LTBP1: variants seen among roughly 807,000 people sequenced by gnomAD.
The protein encoded by LTBP1 is latent-transforming growth factor beta-binding protein 1.
LTBP1 carries 129 observed loss-of-function variants against 207.6 expected under a neutral mutation model. The observed-to-expected ratio is 0.62, with a 90% CI of 0.54 to 0.72. LTBP1 has a LOEUF of 0.72. Among genes scored for constraint, LTBP1 ranks in the 30% least tolerant of loss-of-function variants. The probability of loss-of-function intolerance (pLI) is 0.00; values close to 1 mark genes in which losing one functional copy is unlikely to be tolerated. For synonymous variants in LTBP1, 963 were observed against 833.7 expected (o/e 1.16, Z -2.67); for missense variants, 2,281 against 2,217.2 (o/e 1.03, Z -0.58).
At chr2:33,042,821 A>AT (rs1553380511) in intron 3 of LTBP1, among the ~76,000 whole-genome samples, 1 of 152,146 alleles carries the variant, frequency 6.6e-6, no homozygotes, top group Non-Finnish European at 1.5e-5. Flanking sequence ...ATAAATTGGT[A>AT]TTTTTTAAAA....
At position 32,958,870 on chromosome 2, in the gene LTBP1, G is replaced by A. The variant is rs532932590; in HGVS notation, c.565+9925G>A. Among the ~76,000 whole-genome samples the A allele has an allele frequency of 7.2e-5, 11 of 152,222 alleles. No homozygotes were observed. The South Asian group carries it at 2.1e-3, about 29-fold the overall frequency. On this transcript the variant is annotated intron_variant, in intron 2 of 33. Transcript: ENST00000404816. ...GCCTTTGCTCTGTAAGGCTGCTCTGGCATGGCCCAAACTTTGAGATGACTT... is the reference window on the plus strand; with the variant it reads ...GCCTTTGCTCTGTAAGGCTGCTCTGACATGGCCCAAACTTTGAGATGACTT...
At chr2:33,277,074 G>T (rs958994161) in intron 18 of LTBP1, among the ~76,000 whole-genome samples, 1 of 152,146 alleles carries the variant, frequency 6.6e-6, no homozygotes, top group African/African-American at 2.4e-5. Flanking sequence ...GGGGCAGGAT[G>T]GACTAGGTTG....
intron 33 of LTBP1, 31 bp downstream of exon 33, chr2:33,397,313 A>G: frequency 1.2e-6 from 2 of 1,611,588 alleles, no homozygotes; most frequent in Non-Finnish European, 1.7e-6. Context: ...ATGGGACATT[A>G]ATTTTTTCCT....
At chr2:33,093,680 G>A (rs2079229951) in intron 3 of LTBP1, among the ~76,000 whole-genome samples, 1 of 151,958 alleles carries the variant, frequency 6.6e-6, no homozygotes, top group Non-Finnish European at 1.5e-5. Context: ...AATTACTCTT[G>A]TTCTTTGGTT....
chr2:33,390,019 G>C (rs534939110), intron 32 of LTBP1, among the ~76,000 whole-genome samples: 3 of 152,194 alleles, frequency 2.0e-5, no homozygotes, highest in Non-Finnish European at 4.4e-5. Context: ...TTCCATGAGA[G>C]CCCAGTTGTA....
intron 3 of LTBP1, among the ~76,000 whole-genome samples, chr2:33,042,741 A>G (rs2076250679): frequency 6.6e-6 from 1 of 152,242 alleles, no homozygotes; most frequent in Non-Finnish European, 1.5e-5. Flanking sequence ...TAGGAAAGGT[A>G]AGAATGCCTT....
intron 10 of LTBP1, among the ~76,000 whole-genome samples, chr2:33,246,674 C>T (rs2092524846): frequency 6.6e-6 from 1 of 152,186 alleles, no homozygotes; most frequent in South Asian, 2.1e-4. Context: ...TGAACTCCTG[C>T]ACATGGTTAT....
chr2:33,392,023 T>C (rs2095318762), intron 32 of LTBP1, among the ~76,000 whole-genome samples: 1 of 152,118 alleles, frequency 6.6e-6, no homozygotes, highest in African/African-American at 2.4e-5. Context: ...AAAATGATTG[T>C]GTTGGGTAGA....
intron 5 of LTBP1, among the ~76,000 whole-genome samples, chr2:33,142,364 T>TCA (rs1286711098): frequency 2.6e-5 from 4 of 152,180 alleles, no homozygotes; most frequent in Admixed American, 6.5e-5. Flanking sequence ...GGCCCTTTCT[T>TCA]CAGCATTCTT....
At chr2:33,201,208 C>T (rs964926279) in intron 7 of LTBP1, among the ~76,000 whole-genome samples, 12 of 152,154 alleles carry the variant, frequency 7.9e-5, no homozygotes, top group South Asian at 2.1e-4. Flanking sequence ...TTCACAATAG[C>T]AAAGACTTGG....
In LTBP1 at chr2:33,354,781, G is replaced by A. The variant is rs143247188; in HGVS notation, c.4001-5816G>A. On this transcript the variant is annotated intron_variant, in intron 26 of 33. Transcript: ENST00000404816. Reference sequence around the variant, plus strand: ...TTTTGAGACAGGATCTCGCTCTGTTGCCCAGGCTGGAGTGTAGTGTACGAT... The same window carrying A: ...TTTTGAGACAGGATCTCGCTCTGTTACCCAGGCTGGAGTGTAGTGTACGAT... Among the ~76,000 whole-genome samples the A allele has an allele frequency of 4.0e-3, 595 of 150,438 alleles. 4 individuals are homozygous for A. The highest frequency in any genetic ancestry group is 7.0e-3 in the Non-Finnish European group (478 of 67,820).
intron 5 of LTBP1, among the ~76,000 whole-genome samples, chr2:33,174,668 T>C (rs1209300727): frequency 6.6e-6 from 1 of 152,108 alleles, no homozygotes; most frequent in Non-Finnish European, 1.5e-5. Flanking sequence ...TTAAAGTTCA[T>C]ATGGAACCAA....
At chr2:33,065,175 G>A (rs751718409) in intron 3 of LTBP1, among the ~76,000 whole-genome samples, 4 of 152,056 alleles carry the variant, frequency 2.6e-5, no homozygotes, top group Non-Finnish European at 5.9e-5. Context: ...ATAAAAATAC[G>A]ATTATTTTTT....
At chr2:33,258,300 C>G (rs923401201) in intron 12 of LTBP1, among the ~76,000 whole-genome samples, 1 of 152,174 alleles carries the variant, frequency 6.6e-6, no homozygotes, top group Admixed American at 6.5e-5. Flanking sequence ...ATGGAATAGA[C>G]GTATTTTCTC....
intron 2 of LTBP1, among the ~76,000 whole-genome samples, chr2:33,015,083 A>T (rs1688189167): frequency 6.6e-6 from 1 of 151,440 alleles, no homozygotes; most frequent in Non-Finnish European, 1.5e-5. Flanking sequence ...CCTAAATGTT[A>T]TGCCCCTTGT....
rs1332339163 is a variant in LTBP1, at chr2:33,295,882, G to C, written c.3235+2600G>C. 2.4e-4 allele frequency among the ~76,000 whole-genome samples: 37 copies of C among 152,150 alleles called. 1 individual carries two copies. Among genetic ancestry groups the C allele is most frequent in the Admixed American group, 2.2e-3 (33 of 15,286 alleles). The stretch of plus-strand genomic sequence containing the variant: ...ATCGAGGCCTCTTCCACTGGCAGTA[G>C]GGAACATGCAGGCATCTGGATTTGA... On this transcript the variant is annotated intron_variant, in intron 20 of 33. Transcript: ENST00000404816.
chr2:33,102,222 C>T (rs531451745), intron 3 of LTBP1, among the ~76,000 whole-genome samples: 18 of 152,134 alleles, frequency 1.2e-4, no homozygotes, highest in African/African-American at 3.4e-4. Context: ...ACGTTTAGAG[C>T]GCTAGTTTTC....
intron 19 of LTBP1, among the ~76,000 whole-genome samples, chr2:33,291,288 G>C (rs1169464406): frequency 6.6e-6 from 1 of 152,174 alleles, no homozygotes; most frequent in Non-Finnish European, 1.5e-5. Context: ...CCTAGAGAAA[G>C]TATGGTCTTA....
At chr2:33,341,705 C>T (rs538446173) in intron 24 of LTBP1, among the ~76,000 whole-genome samples, 229 of 98,500 alleles carry the variant, frequency 2.3e-3, no homozygotes, top group Non-Finnish European at 3.4e-3. Context: ...AGTGAGACTC[C>T]GTCTCACTCA....
Sources: allele counts gnomAD v4.1 joint callset (sites outside exome capture counted in the v4.1 genomes callset), GRCh38; gene constraint gnomAD v4.1.1; transcripts MANE v1.5; gene names NCBI Gene and HGNC (gene_info 2026-07-23, HGNC 2026-07-21).